Variants in VPS45 observed in about 807,000 individuals in gnomAD.
VPS45 encodes the protein vacuolar protein sorting-associated protein 45.
VPS45 carries 35 observed loss-of-function variants against 75.9 expected under a neutral mutation model. That is an observed-to-expected ratio of 0.46 (90% CI 0.35 to 0.61). The LOEUF (loss-of-function observed/expected upper bound fraction) is 0.61, where lower values mean the gene tolerates loss of function less well. VPS45 is among the 20% of genes least tolerant of loss of function. VPS45 has a pLI of 0.00. For missense variants in VPS45, 559 were observed against 685.9 expected, an observed-to-expected ratio of 0.81 and a Z score of 2.07; for synonymous variants, 220 against 238.2, an observed-to-expected ratio of 0.92 and a Z score of 0.70.
Position 150,082,709 on chromosome 1 carries a change from A to G in VPS45, c.937-7A>G, listed in dbSNP as rs1177905127. ...AGAACCTCCCATTGATGTTTTTCCC[A>G]TGGCAGGCGTTTGTTGAGAATTATC... is the stretch of plus-strand genomic sequence containing the variant. On this transcript the variant is annotated splice_region_variant and splice_polypyrimidine_tract_variant and intron_variant, in intron 9 of 14. Coordinates refer to ENST00000644510, the MANE Select transcript of VPS45 (RefSeq NM_007259.5). 55 of 1,609,582 alleles carry G rather than the reference A, an allele frequency of 3.4e-5. No individual in the cohort carries two copies. The highest frequency in any genetic ancestry group is 4.7e-5 in the Non-Finnish European group (55 of 1,177,644).
intron 14 of VPS45, among the ~76,000 whole-genome samples, chr1:150,121,992 A>C (rs1337450256): frequency 6.6e-6 from 1 of 152,110 alleles, no homozygotes; most frequent in Non-Finnish European, 1.5e-5. Context: ...AGGTTACACT[A>C]CTCAGTATGG....
Position 150,110,600 on chromosome 1 carries a change from G to A in VPS45, c.1598G>A (p.Gly533Glu). 1 of 1,613,236 alleles carries A rather than the reference G, an allele frequency of 6.2e-7. No homozygotes were observed. The highest frequency in any genetic ancestry group is 8.5e-7 in the Non-Finnish European group (1 of 1,179,468). Residue 533 changes from glycine to glutamate, a missense_variant, in exon 14 of 15, where the codon GGA (glycine) becomes GAA (glutamate). Physicochemically the swap from Gly to Glu is moderately conservative, Grantham distance 98. Transcript: ENST00000644510. The stretch of plus-strand genomic sequence containing the variant: ...ACTCCTGGAGTGAGGATTGTCCTGG[G>A]AGGCACCACAGTGCACAACACGAAA... ...RTTPGVRIVL[G>E]GTTVHNTKSF...
chr1:150,110,151 T>C (rs1657566238), intron 13 of VPS45: 1 of 191,798 alleles, frequency 5.2e-6, no homozygotes, highest in Admixed American at 5.6e-5. Context: ...AATTCTGCCG[T>C]ATTGATATCA....
intron 12 of VPS45, 74 bp from the exon 13 acceptor site, chr1:150,093,453 T>C: frequency 6.5e-7 from 1 of 1,539,758 alleles, no homozygotes; most frequent in Admixed American, 1.9e-5. Flanking sequence ...TGTCCTTTTC[T>C]GATATGAATA....
At chr1:150,123,555 A>G (rs1658347476) in intron 14 of VPS45, among the ~76,000 whole-genome samples, 1 of 152,210 alleles carries the variant, frequency 6.6e-6, no homozygotes, top group Non-Finnish European at 1.5e-5. Flanking sequence ...TGGTTTTCTG[A>G]AGCACATGAT....
upstream of VPS45, chr1:150,067,731 T>A: frequency 1.2e-6 from 1 of 863,842 alleles, no homozygotes; most frequent in Middle Eastern, 3.4e-4. Context: ...GCACCGTGGC[T>A]GCCCGGACTC....
Position 150,072,255 on chromosome 1 carries a change from A to G in VPS45, c.289+29A>G, listed in dbSNP as rs782600010. The G allele has an allele frequency of 8.6e-6, 13 of 1,503,592 alleles. No individual in the cohort carries two copies. In the South Asian group the frequency reaches 1.2e-4, roughly 14 times the overall value. 93.1% of individuals were successfully genotyped at this position (1,503,592 alleles called of 1,614,324 possible). ...AGTATGTTAGTTCACTTTTTCAAACATGTAACAACATCCCAGTTAGTGTGT... is the reference window on the plus strand; with the variant it reads ...AGTATGTTAGTTCACTTTTTCAAACGTGTAACAACATCCCAGTTAGTGTGT... On this transcript the variant is annotated intron_variant, in intron 3 of 14. Transcript: ENST00000644510.
At chr1:150,067,760 C>A, upstream of VPS45, 1 of 1,253,480 alleles carries the variant, frequency 8.0e-7, no homozygotes. Flanking sequence ...CGAATCCCGG[C>A]TGGGAGGAAG....
chr1:150,075,230 T>G (rs1248914113), intron 3 of VPS45, among the ~76,000 whole-genome samples: 1 of 151,716 alleles, frequency 6.6e-6, no homozygotes, highest in Non-Finnish European at 1.5e-5. Context: ...TTTCTTAATC[T>G]TCTGTATAGG....
rs1571834121 is a variant in VPS45, at chr1:150,082,704, T to C, written c.937-12T>C. Reference sequence around the variant, plus strand: ...ATAACAGAACCTCCCATTGATGTTTTTCCCATGGCAGGCGTTTGTTGAGAA... The same window carrying C: ...ATAACAGAACCTCCCATTGATGTTTCTCCCATGGCAGGCGTTTGTTGAGAA... On this transcript the variant is annotated splice_polypyrimidine_tract_variant and intron_variant, in intron 9 of 14. Transcript: ENST00000644510. The C allele has an allele frequency of 6.2e-7, 1 of 1,609,034 alleles. No individual in the cohort carries two copies. The highest frequency in any genetic ancestry group is 2.2e-5 in the East Asian group (1 of 44,790).
intron 13 of VPS45, among the ~76,000 whole-genome samples, chr1:150,097,911 GGC>G (rs1297196749): frequency 1.3e-5 from 2 of 151,990 alleles, no homozygotes; most frequent in Non-Finnish European, 2.9e-5. Flanking sequence ...GGAGAGTGGT[GGC>G]GTGATTTCAG....
chr1:150,098,015 A>G (rs955775615), intron 13 of VPS45, among the ~76,000 whole-genome samples: 1 of 152,018 alleles, frequency 6.6e-6, no homozygotes, highest in Non-Finnish European at 1.5e-5. Flanking sequence ...GTACCTAGCT[A>G]ATTTTTGCAT....
intron 10 of VPS45, among the ~76,000 whole-genome samples, chr1:150,083,517 T>A (rs1655839782): frequency 6.6e-6 from 1 of 151,824 alleles, no homozygotes; most frequent in Non-Finnish European, 1.5e-5. Context: ...AATATGGAAA[T>A]ACAGAGGAAG....
At chr1:150,102,235 C>CAAAAAAA (rs1208831311) in intron 13 of VPS45, among the ~76,000 whole-genome samples, 8 of 94,654 alleles carry the variant, frequency 8.5e-5, no homozygotes, top group African/African-American at 2.1e-4. Context: ...GAGACTCCGT[C>CAAAAAAA]AAAAAAAAAA....
chr1:150,096,030 A>G (rs141146015), intron 13 of VPS45, among the ~76,000 whole-genome samples: 37 of 152,332 alleles, frequency 2.4e-4, no homozygotes, highest in African/African-American at 7.5e-4. Context: ...GAGAGAAGCC[A>G]GAATCAATAG....
chr1:150,141,556 G>C (rs1469192984), intron 14 of VPS45, among the ~76,000 whole-genome samples: 5 of 152,180 alleles, frequency 3.3e-5, no homozygotes, highest in Admixed American at 1.3e-4. Flanking sequence ...GCTTTTCAGT[G>C]TGTGACTCAA....
chr1:150,073,653 AC>A (rs1553797457), intron 3 of VPS45, among the ~76,000 whole-genome samples: 1 of 152,124 alleles, frequency 6.6e-6, no homozygotes, highest in Non-Finnish European at 1.5e-5. Context: ...TAAAAAAAAA[AC>A]AACGAATAAT....
chr1:150,094,336 T>C (rs1656507758), intron 13 of VPS45, among the ~76,000 whole-genome samples: 1 of 152,216 alleles, frequency 6.6e-6, no homozygotes, highest in South Asian at 2.1e-4. Context: ...TTGGATAGAT[T>C]AATGTGAAAA....
At chr1:150,119,883 C>T (rs587710925) in intron 14 of VPS45, among the ~76,000 whole-genome samples, 2 of 152,148 alleles carry the variant, frequency 1.3e-5, no homozygotes, top group South Asian at 2.1e-4. Flanking sequence ...CCGAGGCAGG[C>T]GGATCACCTG....
Sources: gnomAD v4.1 joint callset for allele counts (sites outside exome capture counted in the v4.1 genomes callset) on GRCh38, gnomAD v4.1.1 for gene constraint, MANE v1.5 for transcripts, NCBI Gene and HGNC (gene_info 2026-07-23, HGNC 2026-07-21) for gene names.